The following GALNT3 variants were observed in gnomAD, a reference collection of about 807,000 sequenced individuals.
GALNT3 encodes the protein polypeptide N-acetylgalactosaminyltransferase 3, also known as GalNAc transferase 3.
GALNT3 carries 51 observed loss-of-function variants against 69.8 expected under a neutral mutation model. The observed-to-expected ratio is 0.73, with a 90% CI of 0.58 to 0.92. The LOEUF (loss-of-function observed/expected upper bound fraction) is 0.92, where lower values mean the gene tolerates loss of function less well. GALNT3 is among the 40% of genes least tolerant of loss of function. GALNT3 has a pLI of 0.00. For missense variants in GALNT3, 711 were observed against 760.0 expected (o/e 0.94, Z 0.76); for synonymous variants, 265 against 248.5 (o/e 1.07, Z -0.63).
chr2:165,781,950 C>A (rs920439324), intron 1 of GALNT3, among the ~76,000 whole-genome samples: 1 of 152,108 alleles, frequency 6.6e-6, no homozygotes, highest in African/African-American at 2.4e-5. Context: ...TAGCTACATA[C>A]CAAATGCCAG....
intron 3 of GALNT3, 55 bp downstream of exon 3, chr2:165,764,829 G>A: frequency 6.4e-7 from 1 of 1,569,186 alleles, no homozygotes; most frequent in Non-Finnish European, 8.8e-7. Context: ...CAAGTAGACT[G>A]TAGATACCAC....
At chr2:165,761,837 C>T (rs568330074) in intron 4 of GALNT3, 68 bp downstream of exon 4, 104 of 1,540,032 alleles carry the variant, frequency 6.8e-5, no homozygotes, top group Middle Eastern at 1.7e-4. Context: ...GAAAAGACTT[C>T]CTTACCTTTT....
At chr2:165,793,600 A>T (rs1465726200) in intron 1 of GALNT3, 2 of 152,304 alleles carry the variant, frequency 1.3e-5, no homozygotes, top group Admixed American at 1.3e-4. Flanking sequence ...CCTCTCGGGC[A>T]GAGAGGCTGG....
At chr2:165,766,147 T>G (rs1255137153) in intron 2 of GALNT3, among the ~76,000 whole-genome samples, 1 of 152,174 alleles carries the variant, frequency 6.6e-6, no homozygotes, top group Non-Finnish European at 1.5e-5. Flanking sequence ...TGCCATGTGT[T>G]AAAGATTTTG....
chr2:165,765,585 G>T (rs1425747773), intron 2 of GALNT3, among the ~76,000 whole-genome samples: 1 of 151,764 alleles, frequency 6.6e-6, no homozygotes, highest in Non-Finnish European at 1.5e-5. Flanking sequence ...CACCTCCCAG[G>T]TTCACGCATT....
At chr2:165,789,079 T>C (rs946658449) in intron 1 of GALNT3, among the ~76,000 whole-genome samples, 2 of 152,148 alleles carry the variant, frequency 1.3e-5, no homozygotes, top group Non-Finnish European at 2.9e-5. Context: ...GGGAGAAAGG[T>C]ATAAAATGTT....
rs1574008983 is a variant in GALNT3 at position 165,770,781 on chromosome 2, G to A, written c.-81C>T. 4 of 1,492,454 alleles carry A rather than the reference G, an allele frequency of 2.7e-6. No homozygotes were observed. Among genetic ancestry groups the A allele is most frequent in the South Asian group, 1.2e-5 (1 of 84,144 alleles). The allele number at this position is 1,492,454 out of a possible 1,614,324, so 92.5% of individuals were successfully genotyped here. On this transcript the variant is annotated 5_prime_UTR_variant, in exon 2 of 11. Coordinates refer to ENST00000392701, the MANE Select transcript of GALNT3 (RefSeq NM_004482.4). ...TTATATTTTTTATCATAGATTTGCT[G>A]AGAAGAAGGTATCTTTAATGGTAGT...
In GALNT3 at chr2:165,784,716, T is replaced by A. The variant is rs567879707; in HGVS notation, c.-109+9299A>T. ...ATGGAATGCTCTCTCTTCTGCATTA[T>A]CTTCAGTGGTAGACCTAGAACTCAA... On this transcript the variant is annotated intron_variant, in intron 1 of 10. Transcript: ENST00000392701. Among the ~76,000 whole-genome samples the A allele has an allele frequency of 1.3e-3, 200 of 152,260 alleles. 1 individual carries two copies. The highest frequency in any genetic ancestry group is 4.8e-3 in the South Asian group (23 of 4,820).
At chr2:165,755,971 G>A (rs1000529002) in intron 7 of GALNT3, among the ~76,000 whole-genome samples, 4 of 152,174 alleles carry the variant, frequency 2.6e-5, no homozygotes, top group Non-Finnish European at 5.9e-5. Context: ...GACAAGCAGA[G>A]CATAAGCTTC....
intron 5 of GALNT3, 126 bp downstream of exon 5, chr2:165,759,210 T>C: frequency 1.3e-6 from 1 of 797,616 alleles, no homozygotes. Flanking sequence ...TTAGATTCTC[T>C]TTATATAGAA....
In GALNT3 at chr2:165,755,061, T is replaced by C; in HGVS notation, c.1395A>G (p.Lys465=). 6.2e-7 allele frequency: 1 copy of C among 1,611,734 alleles called. No individual in the cohort carries two copies. Among genetic ancestry groups the C allele is most frequent in the Non-Finnish European group, 8.5e-7 (1 of 1,178,068 alleles). Residue 465 remains lysine (K), a splice_region_variant and synonymous_variant, in exon 8 of 11, where the codon AAA becomes AAG. Coordinates refer to ENST00000392701, the MANE Select transcript of GALNT3 (RefSeq NM_004482.4). The part of the protein sequence containing the change: ...NTDAAKIVKQ[K]AFGDLSKRFE... ...ATCTTTTTGAAAGATCACCAAATGCTTTCTGTAGAAACATGAGAAATGAAG... is the reference window on the plus strand; with the variant it reads ...ATCTTTTTGAAAGATCACCAAATGCCTTCTGTAGAAACATGAGAAATGAAG...
At chr2:165,793,016 G>A (rs1683384949) in intron 1 of GALNT3, among the ~76,000 whole-genome samples, 1 of 152,106 alleles carries the variant, frequency 6.6e-6, no homozygotes, top group Admixed American at 6.5e-5. Flanking sequence ...TCAAGAATCG[G>A]AAATATTGGT....
At chr2:165,750,539 G>A (rs186353472) in intron 9 of GALNT3, among the ~76,000 whole-genome samples, 1 of 152,024 alleles carries the variant, frequency 6.6e-6, no homozygotes, top group African/African-American at 2.4e-5. Flanking sequence ...TCTCACTTCC[G>A]TGTACTCACT....
At position 165,755,639 on chromosome 2, in the gene GALNT3, T is replaced by C. The variant is rs1056774320; in HGVS notation, c.1393-576A>G. On this transcript the variant is annotated intron_variant, in intron 7 of 10. Coordinates refer to ENST00000392701, the MANE Select transcript of GALNT3 (RefSeq NM_004482.4). ...GGCAATTTTCAAGTTAAATGAATTTTGCTTTCCTTCATTTTAACGTACTAA... is the reference window on the plus strand; with the variant it reads ...GGCAATTTTCAAGTTAAATGAATTTCGCTTTCCTTCATTTTAACGTACTAA... Among the ~76,000 whole-genome samples, 4 of 152,228 alleles carry C rather than the reference T, an allele frequency of 2.6e-5. No homozygotes were observed. The East Asian group carries it at 5.8e-4, about 22-fold the overall frequency.
At chr2:165,752,288 C>T (rs982011475) in intron 9 of GALNT3, among the ~76,000 whole-genome samples, 4 of 152,112 alleles carry the variant, frequency 2.6e-5, no homozygotes, top group Admixed American at 6.6e-5. Context: ...CCTCTAAGAT[C>T]GCTTTTCCAA....
At chr2:165,766,363 A>G (rs1688642618) in intron 2 of GALNT3, among the ~76,000 whole-genome samples, 1 of 152,206 alleles carries the variant, frequency 6.6e-6, no homozygotes, top group Admixed American at 6.5e-5. Flanking sequence ...TTAGTTAAAA[A>G]CATTACTTAT....
chr2:165,759,099 G>C (rs1363281710), intron 5 of GALNT3, among the ~76,000 whole-genome samples: 1 of 152,094 alleles, frequency 6.6e-6, no homozygotes, highest in Admixed American at 6.6e-5. Flanking sequence ...CATGCTTTAC[G>C]ATTTTTAAGT....
intron 9 of GALNT3, among the ~76,000 whole-genome samples, chr2:165,751,711 A>G (rs1688360805): frequency 6.6e-6 from 1 of 152,166 alleles, no homozygotes; most frequent in South Asian, 2.1e-4. Context: ...ACTGCATTAC[A>G]CTAGTAATAT....
At chr2:165,762,977 T>G (rs1176071132) in intron 3 of GALNT3, among the ~76,000 whole-genome samples, 1 of 151,538 alleles carries the variant, frequency 6.6e-6, no homozygotes, top group Non-Finnish European at 1.5e-5. Flanking sequence ...TCTTTTTTTT[T>G]TTTTTTAGAG....
Sources: allele counts gnomAD v4.1 joint callset (sites outside exome capture counted in the v4.1 genomes callset), GRCh38; gene constraint gnomAD v4.1.1; transcripts MANE v1.5; gene names NCBI Gene and HGNC (gene_info 2026-07-23, HGNC 2026-07-21).